Variants in CTNNA2 observed in about 807,000 individuals in gnomAD.
CTNNA2 encodes the protein catenin alpha-2.
In CTNNA2, 42 loss-of-function variants were observed where a neutral mutation model predicts 101.0. That is an observed-to-expected ratio of 0.42 (90% CI 0.32 to 0.54). The LOEUF (loss-of-function observed/expected upper bound fraction) is 0.54. Among genes scored for constraint, CTNNA2 ranks in the 20% least tolerant of loss-of-function variants. The probability of loss-of-function intolerance (pLI) is 0.14; values close to 1 mark genes in which losing one functional copy is unlikely to be tolerated. For synonymous variants in CTNNA2, 450 were observed against 456.4 expected (o/e 0.99, Z 0.18); for missense variants, 871 against 1,223.1 (o/e 0.71, Z 4.29).
At chr2:79,999,282 C>A (rs1692765078) in intron 7 of CTNNA2, among the ~76,000 whole-genome samples, 1 of 152,186 alleles carries the variant, frequency 6.6e-6, no homozygotes, top group Non-Finnish European at 1.5e-5. Context: ...TGCTGCAAGC[C>A]ATCTCACTGC....
intron 3 of CTNNA2, among the ~76,000 whole-genome samples, chr2:79,839,864 G>T (rs981885247): frequency 6.6e-6 from 1 of 151,858 alleles, no homozygotes; most frequent in African/African-American, 2.4e-5. Context: ...GAAGTTCTTG[G>T]ATTGTTAATT....
Position 79,863,380 on chromosome 2 carries a change from T to A in CTNNA2, c.465+5201T>A, listed in dbSNP as rs1241082460. Among the ~76,000 whole-genome samples, 3 of 151,850 alleles carry A rather than the reference T, an allele frequency of 2.0e-5. No individual in the cohort carries two copies. The East Asian group carries it at 5.8e-4, about 30-fold the overall frequency. Reference sequence around the variant, plus strand: ...GGATGATGTGGTTGGGAGAGGGAGGTCTCAAGATTGGGTCTCATTGAACTA... The same window carrying A: ...GGATGATGTGGTTGGGAGAGGGAGGACTCAAGATTGGGTCTCATTGAACTA... On this transcript the variant is annotated intron_variant, in intron 4 of 18. Transcript: ENST00000402739.
At chr2:79,992,262 C>T (rs949166280) in intron 7 of CTNNA2, among the ~76,000 whole-genome samples, 2 of 151,714 alleles carry the variant, frequency 1.3e-5, no homozygotes, top group Non-Finnish European at 2.9e-5. Context: ...GGAATGGCAA[C>T]GTTCACATTA....
chr2:80,496,488 A>G (rs1222964803), intron 9 of CTNNA2, among the ~76,000 whole-genome samples: 1 of 151,498 alleles, frequency 6.6e-6, no homozygotes, highest in Non-Finnish European at 1.5e-5. Flanking sequence ...TTGGAATTAA[A>G]TCTGAGTTTA....
chr2:80,374,083 T>C (rs1195103576), intron 7 of CTNNA2, among the ~76,000 whole-genome samples: 1 of 152,142 alleles, frequency 6.6e-6, no homozygotes, highest in Non-Finnish European at 1.5e-5. Flanking sequence ...ATTTCAACTC[T>C]TATTTTTGAT....
intron 7 of CTNNA2, among the ~76,000 whole-genome samples, chr2:80,297,725 C>G (rs1367134505): frequency 6.6e-6 from 1 of 152,094 alleles, no homozygotes; most frequent in African/African-American, 2.4e-5. Context: ...GCTGGCTCTT[C>G]CCACTAGACA....
chr2:80,314,468 G>T (rs1468897260), intron 7 of CTNNA2, among the ~76,000 whole-genome samples: 1 of 152,162 alleles, frequency 6.6e-6, no homozygotes, highest in Non-Finnish European at 1.5e-5. Flanking sequence ...GTAAAATTAG[G>T]AAACACTCCC....
At chr2:80,217,256 A>C (rs1419447310) in intron 7 of CTNNA2, among the ~76,000 whole-genome samples, 1 of 152,110 alleles carries the variant, frequency 6.6e-6, no homozygotes, top group Non-Finnish European at 1.5e-5. Flanking sequence ...GCAAAGCTTA[A>C]ATTATGGACT....
At chr2:79,366,085 C>T (rs976193525) in intron 3 of CTNNA2, among the ~76,000 whole-genome samples, 3 of 152,152 alleles carry the variant, frequency 2.0e-5, no homozygotes, top group Non-Finnish European at 4.4e-5. Context: ...AAAGAAGCCT[C>T]GTTGTTCTCT....
intron 7 of CTNNA2, among the ~76,000 whole-genome samples, chr2:79,972,682 A>G (rs1395674085): frequency 6.6e-6 from 1 of 152,182 alleles, no homozygotes; most frequent in Non-Finnish European, 1.5e-5. Flanking sequence ...ATAAAGAGTC[A>G]TATCACTTTC....
At chr2:79,593,880 G>GTTTTTTTTTTTTT (rs945227300) in intron 1 of CTNNA2, among the ~76,000 whole-genome samples, 6 of 85,438 alleles carry the variant, frequency 7.0e-5, no homozygotes, top group African/African-American at 2.1e-4. Context: ...CTTTCTTTTA[G>GTTTTTTTTTTTTT]TTTTTTTTTT....
At chr2:79,850,350 C>T (rs1680600996) in intron 3 of CTNNA2, among the ~76,000 whole-genome samples, 2 of 120,622 alleles carry the variant, frequency 1.7e-5, no homozygotes, top group Non-Finnish European at 3.3e-5. Context: ...TCTCTCCCTT[C>T]CTTTCTTCCT....
At chr2:79,386,594 T>C (rs925574722) in intron 4 of CTNNA2, among the ~76,000 whole-genome samples, 5 of 152,216 alleles carry the variant, frequency 3.3e-5, no homozygotes, top group Non-Finnish European at 7.3e-5. Flanking sequence ...CATAATACAC[T>C]CTGTCTTATT....
At chr2:80,146,352 A>G (rs1423224110) in intron 7 of CTNNA2, among the ~76,000 whole-genome samples, 2 of 152,148 alleles carry the variant, frequency 1.3e-5, no homozygotes, top group African/African-American at 4.8e-5. Flanking sequence ...TTACTCATCA[A>G]TCGATTCAAT....
chr2:79,256,424 GCAGA>G (rs1421477362), intron 2 of CTNNA2, among the ~76,000 whole-genome samples: 2 of 152,196 alleles, frequency 1.3e-5, no homozygotes, highest in Middle Eastern at 3.2e-3. Flanking sequence ...CTGACTCATA[GCAGA>G]CAGTCACTAA....
intron 9 of CTNNA2, among the ~76,000 whole-genome samples, chr2:80,516,930 T>C (rs1413929716): frequency 6.6e-6 from 1 of 152,220 alleles, no homozygotes; most frequent in Admixed American, 6.5e-5. Flanking sequence ...TTTCTTTGCT[T>C]CATTCCTCTC....
chr2:80,376,780 T>C (rs1032623319), intron 7 of CTNNA2, among the ~76,000 whole-genome samples: 1 of 152,324 alleles, frequency 6.6e-6, no homozygotes, highest in Admixed American at 6.5e-5. Flanking sequence ...TCTGGCTTTC[T>C]AATTTCTGCA....
intron 7 of CTNNA2, among the ~76,000 whole-genome samples, chr2:79,970,732 A>G (rs1690417903): frequency 6.6e-6 from 1 of 152,118 alleles, no homozygotes; most frequent in African/African-American, 2.4e-5. Context: ...GCACCAGTAA[A>G]TTACTGTGAG....
intron 9 of CTNNA2, among the ~76,000 whole-genome samples, chr2:80,457,646 A>G (rs1439505454): frequency 6.6e-6 from 1 of 152,100 alleles, no homozygotes; most frequent in Non-Finnish European, 1.5e-5. Context: ...ATCTCTTCTC[A>G]GACTCAGCAC....
Sources: allele counts gnomAD v4.1 joint callset (sites outside exome capture counted in the v4.1 genomes callset), GRCh38; gene constraint gnomAD v4.1.1; transcripts MANE v1.5; gene names NCBI Gene and HGNC (gene_info 2026-07-23, HGNC 2026-07-21).